The following CCDC146 variants were observed in gnomAD, a reference collection of about 807,000 sequenced individuals.
CCDC146 encodes the protein coiled-coil domain containing 146, also known as coiled-coil domain-containing protein 146.
In CCDC146, 92 loss-of-function variants were observed where a neutral mutation model predicts 119.3. The observed-to-expected ratio is 0.77, with a 90% confidence interval of 0.65 to 0.92. The LOEUF (loss-of-function observed/expected upper bound fraction) is 0.92. CCDC146 is among the 40% of genes least tolerant of loss of function. CCDC146 has a pLI of 0.00. For synonymous variants in CCDC146, 372 were observed against 371.8 expected (o/e 1.00, Z -0.01); for missense variants, 1,000 against 1,103.0 (o/e 0.91, Z 1.32).
intron 1 of CCDC146, among the ~76,000 whole-genome samples, chr7:77,156,834 T>A (rs1584030484): frequency 6.6e-6 from 1 of 152,072 alleles, no homozygotes; most frequent in Non-Finnish European, 1.5e-5. Context: ...TGTCATATAG[T>A]GGACCGGAGG....
Position 77,278,778 on chromosome 7 carries a change from A to G in CCDC146, c.1467A>G (p.Glu489=). The G allele has an allele frequency of 1.9e-6, 3 of 1,611,470 alleles. No individual in the cohort carries two copies. In the South Asian group the frequency reaches 3.3e-5, roughly 18 times the overall value. Reference sequence around the variant, plus strand: ...AAAAATACACCAACATTGTTAAAGAAATGAAAGCAAAGGATCTTGAAATCA... The same window carrying G: ...AAAAATACACCAACATTGTTAAAGAGATGAAAGCAAAGGATCTTGAAATCA... The part of the protein sequence containing the change: ...AQQKYTNIVK[E]MKAKDLEIRI... The change falls in exon 12 of 19, where the codon GAA becomes GAG. Residue 489 remains glutamate (E), a synonymous_variant. Coordinates refer to ENST00000285871, the MANE Select transcript of CCDC146 (RefSeq NM_020879.3).
chr7:77,231,818 G>GTTTTTT, intron 2 of CCDC146, among the ~76,000 whole-genome samples: 1 of 137,884 alleles, frequency 7.3e-6, no homozygotes, highest in Non-Finnish European at 1.6e-5. Context: ...TGTTGTTGTT[G>GTTTTTT]TTTTTTTTTT....
chr7:77,294,375 T>G (rs1221041782), intron 18 of CCDC146, among the ~76,000 whole-genome samples: 2 of 152,034 alleles, frequency 1.3e-5, no homozygotes, highest in African/African-American at 2.4e-5. Context: ...TGTGGGGGTG[T>G]GTGTGTGTGG....
At chr7:77,235,548 G>C (rs1792717844) in intron 2 of CCDC146, among the ~76,000 whole-genome samples, 1 of 152,190 alleles carries the variant, frequency 6.6e-6, no homozygotes, top group South Asian at 2.1e-4. Flanking sequence ...AGGAGGCTGT[G>C]GGGGTGTTGG....
intron 2 of CCDC146, among the ~76,000 whole-genome samples, chr7:77,226,144 G>T (rs879691546): frequency 6.6e-6 from 1 of 152,218 alleles, no homozygotes; most frequent in Non-Finnish European, 1.5e-5. Context: ...GTCAAAGGAA[G>T]CAGTTTTGAG....
At position 77,169,020 on chromosome 7, in the gene CCDC146, T is replaced by C. The variant is rs568693807; in HGVS notation, c.156+1196T>C. Among the ~76,000 whole-genome samples, 8 of 152,278 alleles carry C rather than the reference T, an allele frequency of 5.3e-5. No homozygotes were observed. The South Asian group carries it at 1.7e-3, about 32-fold the overall frequency. On this transcript the variant is annotated intron_variant, in intron 2 of 18. Transcript: ENST00000285871. ...CTTGCCAGTTGTCCCAATAATGTTC[T>C]TTATAGCAAAAGAAAATTCTAGATT...
In CCDC146 at chr7:77,280,724, C is replaced by G. The variant is rs534418994; in HGVS notation, c.1919+71C>G. ...AATGTCACCTCTTTTTCTATCTAGA[C>G]TTGACAGTGAATAGTGAGGGAAATG... is the stretch of plus-strand genomic sequence containing the variant. On this transcript the variant is annotated intron_variant, in intron 14 of 18. Transcript: ENST00000285871. The G allele has an allele frequency of 3.1e-5, 32 of 1,040,518 alleles. No individual in the cohort carries two copies. In the South Asian group the frequency reaches 4.7e-4, roughly 15 times the overall value. The allele number at this position is 1,040,518 out of a possible 1,614,324, so 64.5% of individuals were successfully genotyped here.
At chr7:77,186,284 C>T (rs1791665637) in intron 2 of CCDC146, among the ~76,000 whole-genome samples, 1 of 152,046 alleles carries the variant, frequency 6.6e-6, no homozygotes, top group African/African-American at 2.4e-5. Flanking sequence ...GTAGTACATA[C>T]ACACTATAGA....
At chr7:77,256,065 G>A (rs1393251911) in intron 5 of CCDC146, among the ~76,000 whole-genome samples, 2 of 151,794 alleles carry the variant, frequency 1.3e-5, no homozygotes, top group Non-Finnish European at 2.9e-5. Flanking sequence ...AATGTAGGAG[G>A]ATAGAAAAGA....
At chr7:77,243,395 T>A (rs1301564727) in intron 4 of CCDC146, among the ~76,000 whole-genome samples, 2 of 152,204 alleles carry the variant, frequency 1.3e-5, no homozygotes, top group Non-Finnish European at 2.9e-5. Flanking sequence ...TTGAGAAGAT[T>A]CCCTTGCATT....
intron 2 of CCDC146, among the ~76,000 whole-genome samples, chr7:77,224,038 AAAG>A (rs1287582422): frequency 1.3e-5 from 2 of 152,228 alleles, no homozygotes; most frequent in African/African-American, 4.8e-5. Flanking sequence ...AGAAGAGAGA[AAAG>A]AAATTGCAGA....
rs910588135 is a variant in CCDC146, at chr7:77,280,560, T to C, written c.1826T>C (p.Ile609Thr). ...KEKKEAQLNN[I>T]DRLANTITMI... The stretch of plus-strand genomic sequence containing the variant: ...AAGAAGGAAGCCCAGTTAAATAACA[T>C]TGACAGACTTGCCAACACGATCACA... The change falls in exon 14 of 19, where the codon ATT becomes ACT. Residue 609 changes from isoleucine (I) to threonine (T), a missense_variant. Physicochemically the swap from Ile to Thr is moderately conservative, Grantham distance 89. Transcript: ENST00000285871. 2 of 1,614,122 alleles carry C rather than the reference T, an allele frequency of 1.2e-6. No homozygotes were observed. Among genetic ancestry groups the C allele is most frequent in the Non-Finnish European group, 1.7e-6 (2 of 1,180,006 alleles).
intron 1 of CCDC146, among the ~76,000 whole-genome samples, chr7:77,123,748 C>T (rs970598780): frequency 3.3e-5 from 5 of 152,134 alleles, no homozygotes; most frequent in Admixed American, 2.0e-4. Flanking sequence ...CTCAGGTTCT[C>T]TGCTAGCCAC....
chr7:77,130,738 ACAGGCGCGCGCCAC>A lies in CCDC146; in HGVS notation c.-12+8009_-12+8022del, dbSNP rs1790772092. Among the ~76,000 whole-genome samples, 6 of 148,722 alleles carry A rather than the reference ACAGGCGCGCGCCAC, an allele frequency of 4.0e-5. No homozygotes were observed. In the South Asian group the frequency reaches 1.3e-3, roughly 32 times the overall value. On this transcript the variant is annotated intron_variant, in intron 1 of 18. Transcript: ENST00000285871. ...CTCAGCCTCCCGTGTAGCTGGGACT[ACAGGCGCGCGCCAC>A]CATGCCCGGCTAATTTTTGTATTTT...
At chr7:77,185,543 G>T (rs1025899337) in intron 2 of CCDC146, among the ~76,000 whole-genome samples, 1 of 152,132 alleles carries the variant, frequency 6.6e-6, no homozygotes, top group Admixed American at 6.6e-5. Flanking sequence ...TGTTGTTGGG[G>T]TGCCCCCTAA....
intron 11 of CCDC146, 73 bp downstream of exon 11, chr7:77,274,725 A>G (rs1220524635): frequency 1.7e-5 from 20 of 1,178,406 alleles, no homozygotes; most frequent in Admixed American, 2.3e-5. Context: ...TGCCACGTGC[A>G]TTAGGACATG....
chr7:77,210,803 C>T (rs1390919721), intron 2 of CCDC146, among the ~76,000 whole-genome samples: 1 of 152,116 alleles, frequency 6.6e-6, no homozygotes, highest in East Asian at 1.9e-4. Flanking sequence ...AAAGGGGAAG[C>T]CAGCATGTCC....
chr7:77,144,543 G>T (rs1173145081), intron 1 of CCDC146, among the ~76,000 whole-genome samples: 1 of 151,708 alleles, frequency 6.6e-6, no homozygotes, highest in East Asian at 1.9e-4. Context: ...GTATGATATT[G>T]GTTGTGGGTT....
chr7:77,132,395 C>T (rs533049455), intron 1 of CCDC146, among the ~76,000 whole-genome samples: 2 of 151,818 alleles, frequency 1.3e-5, no homozygotes, highest in East Asian at 3.9e-4. Flanking sequence ...GTTTATCTCT[C>T]GAATGCAAGA....
Sources: allele counts gnomAD v4.1 joint callset (sites outside exome capture counted in the v4.1 genomes callset), GRCh38; gene constraint gnomAD v4.1.1; transcripts MANE v1.5; gene names NCBI Gene and HGNC (gene_info 2026-07-23, HGNC 2026-07-21).